ATP11B: variants seen among roughly 807,000 people sequenced by gnomAD.
ATP11B encodes the protein phospholipid-transporting ATPase IF.
Under a neutral mutation model 157.8 loss-of-function variants are expected in ATP11B, and 81 were observed. That is an observed-to-expected ratio of 0.51 (90% CI 0.43 to 0.62). The LOEUF is 0.62. Among genes scored for constraint, ATP11B ranks in the 20% least tolerant of loss-of-function variants. The pLI is 0.00. For missense variants in ATP11B, 1,165 were observed against 1,402.2 expected, an observed-to-expected ratio of 0.83 and a Z score of 2.70; for synonymous variants, 451 against 469.4, an observed-to-expected ratio of 0.96 and a Z score of 0.51.
intron 28 of ATP11B, among the ~76,000 whole-genome samples, chr3:182,902,751 CTTT>C (rs1377737435): frequency 2.6e-5 from 4 of 151,462 alleles, no homozygotes; most frequent in Non-Finnish European, 5.9e-5. Flanking sequence ...TCCATTTCTT[CTTT>C]GAGAAGAAAA....
chr3:182,865,838 T>C, intron 13 of ATP11B, 140 bp downstream of exon 13: 1 of 689,784 alleles, frequency 1.4e-6, no homozygotes, highest in Non-Finnish European at 2.4e-6. Flanking sequence ...TTCAACAATA[T>C]AAAATATAAT....
intron 28 of ATP11B, among the ~76,000 whole-genome samples, chr3:182,912,323 TATG>T (rs1198646546): frequency 6.6e-6 from 1 of 152,120 alleles, no homozygotes; most frequent in East Asian, 1.9e-4. Context: ...AGTGGAGAAT[TATG>T]ATATCTCAGG....
intron 4 of ATP11B, among the ~76,000 whole-genome samples, chr3:182,835,451 A>G (rs551631071): frequency 3.9e-5 from 6 of 152,348 alleles, no homozygotes; most frequent in African/African-American, 1.4e-4. Flanking sequence ...AAAGGGTAGG[A>G]ATTAAGAATG....
In ATP11B at chr3:182,866,391, G is replaced by A; in HGVS notation, c.1567G>A (p.Glu523Lys). Residue 523 changes from glutamate to lysine, a missense_variant, in exon 14 of 30, where the codon GAG becomes AAG. Coordinates refer to ENST00000323116, the MANE Select transcript of ATP11B (RefSeq NM_014616.3). ...WQSNLAPSQL[E>K]YYASSPDEKA... Reference sequence around the variant, plus strand: ...ATCCAACCTGGCACCATCGCAGTTGGAGTACTATGCATCTTCACCAGATGA... The same window carrying A: ...ATCCAACCTGGCACCATCGCAGTTGAAGTACTATGCATCTTCACCAGATGA... The A allele has an allele frequency of 6.2e-7, 1 of 1,613,724 alleles. No homozygotes were observed. Among genetic ancestry groups the A allele is most frequent in the Non-Finnish European group, 8.5e-7 (1 of 1,179,764 alleles).
chr3:182,806,880 A>G (rs1392067152), intron 1 of ATP11B, among the ~76,000 whole-genome samples: 2 of 152,134 alleles, frequency 1.3e-5, no homozygotes, highest in Non-Finnish European at 2.9e-5. Flanking sequence ...ACCTGACTCT[A>G]GAACCATGGT....
chr3:182,814,891 G>A (rs141904272), intron 1 of ATP11B, among the ~76,000 whole-genome samples: 35 of 152,226 alleles, frequency 2.3e-4, no homozygotes, highest in Admixed American at 2.0e-3. Context: ...TACTGGAACC[G>A]TATAAAAGGT....
At chr3:182,908,028 A>G (rs1470204698) in intron 28 of ATP11B, among the ~76,000 whole-genome samples, 2 of 152,246 alleles carry the variant, frequency 1.3e-5, no homozygotes, top group Non-Finnish European at 2.9e-5. Flanking sequence ...TTTCACAGGT[A>G]TTAATTTCTT....
At chr3:182,894,288 G>A (rs1368853686) in intron 25 of ATP11B, among the ~76,000 whole-genome samples, 1 of 152,232 alleles carries the variant, frequency 6.6e-6, no homozygotes, top group African/African-American at 2.4e-5. Flanking sequence ...CTTCATAGAA[G>A]CAATTCTCCT....
chr3:182,892,632 T>C (rs531567573), intron 25 of ATP11B, among the ~76,000 whole-genome samples: 1 of 152,336 alleles, frequency 6.6e-6, no homozygotes, highest in South Asian at 2.1e-4. Context: ...ACAAATACTT[T>C]TGAAGTATTC....
rs142780481 is a variant in ATP11B, at chr3:182,836,009, A to G, written c.316-26A>G. On this transcript the variant is annotated intron_variant, in intron 4 of 29. Coordinates refer to ENST00000323116, the MANE Select transcript of ATP11B (RefSeq NM_014616.3). ...TATCTTCAAATTATACTGAAAAATT[A>G]TTTTTTACCCTTTGGATATTTACAG... 8.9e-5 allele frequency: 138 copies of G among 1,555,094 alleles called. 1 individual carries two copies. The Middle Eastern group carries it at 1.6e-3, about 17-fold the overall frequency.
At chr3:182,845,776 A>G (rs1208615375) in intron 9 of ATP11B, among the ~76,000 whole-genome samples, 1 of 152,232 alleles carries the variant, frequency 6.6e-6, no homozygotes, top group Non-Finnish European at 1.5e-5. Flanking sequence ...AACTGAGTGC[A>G]GATAATTTAT....
intron 10 of ATP11B, among the ~76,000 whole-genome samples, chr3:182,853,352 T>TG (rs1184856636): frequency 6.6e-6 from 1 of 151,970 alleles, no homozygotes; most frequent in Non-Finnish European, 1.5e-5. Flanking sequence ...GGACCACAGG[T>TG]GCGCGCCACA....
At chr3:182,916,988 C>G in intron 29 of ATP11B, 2 of 984,436 alleles carry the variant, frequency 2.0e-6, no homozygotes, top group Non-Finnish European at 2.4e-6. Flanking sequence ...AGACACAGTT[C>G]TAGATGCTAG....
chr3:182,902,445 T>C, intron 28 of ATP11B: 1 of 1,229,260 alleles, frequency 8.1e-7, no homozygotes, highest in Non-Finnish European at 1.1e-6. Context: ...GCTCACTGAC[T>C]TGTTGTGTGT....
At chr3:182,846,225 C>T (rs1371601851) in intron 9 of ATP11B, among the ~76,000 whole-genome samples, 1 of 151,764 alleles carries the variant, frequency 6.6e-6, no homozygotes, top group Non-Finnish European at 1.5e-5. Flanking sequence ...TTCCCATTTG[C>T]TCTTTTTCTG....
chr3:182,869,762 C>T (rs1721512741), intron 17 of ATP11B, among the ~76,000 whole-genome samples: 1 of 152,088 alleles, frequency 6.6e-6, no homozygotes, highest in African/African-American at 2.4e-5. Context: ...GGGTGGACAC[C>T]CAAGACAGCT....
intron 2 of ATP11B, among the ~76,000 whole-genome samples, chr3:182,820,782 C>T (rs1000004635): frequency 3.9e-5 from 6 of 151,982 alleles, no homozygotes; most frequent in Admixed American, 2.0e-4. Flanking sequence ...AAACGGTGGT[C>T]GATTTATCTT....
chr3:182,801,266 T>C (rs533138537), intron 1 of ATP11B, among the ~76,000 whole-genome samples: 1 of 152,356 alleles, frequency 6.6e-6, no homozygotes, highest in Admixed American at 6.5e-5. Context: ...TCTCCACATT[T>C]TAATTGGAAG....
At chr3:182,907,744 C>G (rs1420751826) in intron 28 of ATP11B, among the ~76,000 whole-genome samples, 2 of 152,146 alleles carry the variant, frequency 1.3e-5, no homozygotes, top group African/African-American at 4.8e-5. Flanking sequence ...CTCCTAAGAC[C>G]TGACTAAAAC....
Sources: allele counts gnomAD v4.1 joint callset (sites outside exome capture counted in the v4.1 genomes callset), GRCh38; gene constraint gnomAD v4.1.1; transcripts MANE v1.5; gene names NCBI Gene and HGNC (gene_info 2026-07-23, HGNC 2026-07-21).